Variants in NARF observed in about 807,000 individuals in gnomAD.
The protein encoded by NARF is iron-only hydrogenase-like protein 2.
Under a neutral mutation model 48.0 loss-of-function variants are expected in NARF, and 41 were observed. That is an observed-to-expected ratio of 0.85 (90% CI 0.66 to 1.11). The LOEUF is 1.11. Ranked by LOEUF, NARF falls within the 50% of genes least tolerant of loss-of-function variation. The pLI is 0.00. For missense variants in NARF, 613 were observed against 590.2 expected (o/e 1.04, Z -0.40); for synonymous variants, 215 against 225.5 (o/e 0.95, Z 0.42).
chr17:82,475,021 T>G (rs2043802737), intron 5 of NARF, among the ~76,000 whole-genome samples: 1 of 152,040 alleles, frequency 6.6e-6, no homozygotes, highest in Admixed American at 6.6e-5. Context: ...GCATTTTGGG[T>G]GTGTTTCCAG....
chr17:82,464,480 G>A (rs756085647), intron 3 of NARF, 50 bp downstream of exon 3: 16 of 1,570,038 alleles, frequency 1.0e-5, no homozygotes, highest in Non-Finnish European at 1.3e-5. Flanking sequence ...CCTGGAGGAA[G>A]TGGAGGTGAG....
At chr17:82,468,545 A>G in intron 3 of NARF, 1 of 512,020 alleles carries the variant, frequency 2.0e-6, no homozygotes, top group Non-Finnish European at 3.4e-6. Context: ...CATTTTTTAA[A>G]TCCTGACTTT....
At position 82,481,309 on chromosome 17, in the gene NARF, G is replaced by C. The variant is rs929139759; in HGVS notation, c.769+98G>C. On this transcript the variant is annotated intron_variant, in intron 7 of 10. Coordinates refer to ENST00000309794, the MANE Select transcript of NARF (RefSeq NM_012336.4). ...AGATCTGTGTCCCAGAGCCATCTCAGTGCCTGCCAATGTGGTCGCTTGTCT... is the reference window on the plus strand; with the variant it reads ...AGATCTGTGTCCCAGAGCCATCTCACTGCCTGCCAATGTGGTCGCTTGTCT... The C allele has an allele frequency of 5.2e-6, 8 of 1,547,634 alleles. No homozygotes were observed. The African/African-American group carries it at 1.1e-4, about 21-fold the overall frequency.
Position 82,488,908 on chromosome 17 carries a change from A to G in NARF, c.*751A>G, listed in dbSNP as rs1025380992. On this transcript the variant is annotated 3_prime_UTR_variant, in exon 11 of 11. Transcript: ENST00000309794. ...GAGGGTGGGGTGGCTGTGCCTGTGG[A>G]CTCCTGTGGCCCTGGGGTTGTTAGG... 2.0e-5 allele frequency: 3 copies of G among 151,796 alleles called. No homozygotes were observed. Among genetic ancestry groups the G allele is most frequent in the Non-Finnish European group, 4.4e-5 (3 of 68,042 alleles). 9.4% of individuals were successfully genotyped at this position (151,796 alleles called of 1,614,324 possible). A position where few individuals can be genotyped will look rare whatever the true frequency, so the allele number is the denominator to read the frequency against.
upstream of NARF, chr17:82,458,730 C>T (rs1173788801): frequency 2.8e-6 from 4 of 1,442,164 alleles, no homozygotes; most frequent in East Asian, 2.9e-5. Flanking sequence ...CCGCGGGCGG[C>T]GGGCAGTGGT....
intron 4 of NARF, among the ~76,000 whole-genome samples, chr17:82,471,161 GA>G (rs1324280017): frequency 2.8e-4 from 39 of 138,242 alleles, no homozygotes; most frequent in Non-Finnish European, 2.7e-4. Context: ...ATGACTGTCT[GA>G]AAAAAAAAAA....
Position 82,458,756 on chromosome 17 carries a change from T to A in NARF, c.-48T>A. The A allele has an allele frequency of 6.8e-7, 1 of 1,478,444 alleles. No homozygotes were observed. Among genetic ancestry groups the A allele is most frequent in the Non-Finnish European group, 8.9e-7 (1 of 1,120,646 alleles). The allele number at this position is 1,478,444 out of a possible 1,614,324, so 91.6% of individuals were successfully genotyped here. A position where few individuals can be genotyped will look rare whatever the true frequency, so the allele number is the denominator to read the frequency against. ...GGGCAGTGGTGTCCCAGTCTCCCGG[T>A]GCTTCCCTGAGGCTGAGGCGCCCGG... On this transcript the variant is annotated 5_prime_UTR_variant, in exon 1 of 11. Coordinates refer to ENST00000309794, the MANE Select transcript of NARF (RefSeq NM_012336.4).
In NARF at chr17:82,468,819, T is replaced by C; in HGVS notation, c.308T>C (p.Leu103Ser). 1 of 1,614,122 alleles carries C rather than the reference T, an allele frequency of 6.2e-7. No homozygotes were observed. The highest frequency in any genetic ancestry group is 8.5e-7 in the Non-Finnish European group (1 of 1,179,942). ...VLVVSVCPQS[L>S]PYFAAKFNLS... ...GTAGTGTCTGTGTGTCCTCAATCTT[T>C]GCCTTATTTTGCTGCTAAATTCAAC... The change falls in exon 4 of 11, where the codon TTG (leucine) becomes TCG (serine). Residue 103 changes from leucine (L) to serine (S), a missense_variant. Transcript: ENST00000309794.
intron 6 of NARF, chr17:82,480,337 C>A: frequency 2.5e-6 from 1 of 401,420 alleles, no homozygotes. Context: ...TGCAATGGCT[C>A]CATGCTGGAC....
chr17:82,479,998 T>G (rs913155544), intron 6 of NARF: 1 of 155,034 alleles, frequency 6.5e-6, no homozygotes, highest in African/African-American at 2.4e-5. Flanking sequence ...CTCCTGTAGG[T>G]GCCATGAGGG....
chr17:82,460,241 G>A (rs746986770), intron 2 of NARF, 169 bp downstream of exon 2: 4 of 524,394 alleles, frequency 7.6e-6, no homozygotes, highest in Non-Finnish European at 1.4e-5. Flanking sequence ...GAGGTGGACG[G>A]ATCACTTGAG....
chr17:82,483,994 G>A lies in NARF; in HGVS notation c.833+215G>A, dbSNP rs78454185. Reference sequence around the variant, plus strand: ...GCTGCCAGGGAGTTGAAGGTTTGGCGGGCTTCCATGGTGTGATTGCCACCC... The same window carrying A: ...GCTGCCAGGGAGTTGAAGGTTTGGCAGGCTTCCATGGTGTGATTGCCACCC... On this transcript the variant is annotated intron_variant, in intron 8 of 10. Transcript: ENST00000309794. 7.6e-3 allele frequency: 4,115 copies of A among 542,370 alleles called. 39 individuals are homozygous for A. The highest frequency in any genetic ancestry group is 0.015 in the Middle Eastern group (31 of 2,004). 33.6% of individuals were successfully genotyped at this position (542,370 alleles called of 1,614,324 possible).
chr17:82,487,477 C>G (rs1277630485), intron 10 of NARF, among the ~76,000 whole-genome samples: 9 of 135,074 alleles, frequency 6.7e-5, no homozygotes, highest in African/African-American at 2.2e-4. Flanking sequence ...GAGAGAGACT[C>G]TGTCTCGAAA....
chr17:82,469,755 G>A (rs1179111144), intron 4 of NARF, among the ~76,000 whole-genome samples: 6 of 152,104 alleles, frequency 3.9e-5, no homozygotes, highest in Non-Finnish European at 8.8e-5. Flanking sequence ...ACAGGTGCGC[G>A]CCACCACTCC....
chr17:82,485,545 G>T lies in NARF; in HGVS notation c.1020G>T (p.Val340=). 6.2e-7 allele frequency: 1 copy of T among 1,614,250 alleles called. No homozygotes were observed. The highest frequency in any genetic ancestry group is 8.5e-7 in the Non-Finnish European group (1 of 1,180,038). Residue 340 remains valine, a synonymous_variant, in exon 10 of 11, where the codon GTG becomes GTT. Transcript: ENST00000309794. Reference sequence around the variant, plus strand: ...CCCTTGAGAAGAACGGAGAGGTGGTGTTACGCTTTGCTGCAGCCTATGGCT... The same window carrying T: ...CCCTTGAGAAGAACGGAGAGGTGGTTTTACGCTTTGCTGCAGCCTATGGCT... ...EVTLEKNGEV[V]LRFAAAYGFR...
Position 82,488,379 on chromosome 17 carries a change from TC to T in NARF, c.*223del. ...AGGTGTGGGATTGGAACTTTTTTTTTCTTTTTTTTTTTTTGAGACGGAGTCT... is the reference window on the plus strand; with the variant it reads ...AGGTGTGGGATTGGAACTTTTTTTTTTTTTTTTTTTTTTGAGACGGAGTCT... On this transcript the variant is annotated 3_prime_UTR_variant, in exon 11 of 11. Transcript: ENST00000309794. 5 of 626,410 alleles carry T rather than the reference TC, an allele frequency of 8.0e-6. No homozygotes were observed. Among genetic ancestry groups the T allele is most frequent in the South Asian group, 2.8e-5 (1 of 36,106 alleles). 38.8% of individuals were successfully genotyped at this position (626,410 alleles called of 1,614,324 possible).
intron 4 of NARF, 74 bp downstream of exon 4, chr17:82,468,970 T>G: frequency 1.9e-6 from 3 of 1,561,342 alleles, no homozygotes; most frequent in Admixed American, 3.7e-5. Context: ...CTAAAGTTCG[T>G]TTTTCAAGGA....
chr17:82,485,700 C>T (rs775111262), intron 10 of NARF, 46 bp downstream of exon 10: 30 of 1,606,406 alleles, frequency 1.9e-5, no homozygotes, highest in Non-Finnish European at 5.1e-6. Flanking sequence ...CACGGGTGCT[C>T]AGGCCACACT....
chr17:82,470,211 C>T (rs568845646), intron 4 of NARF, among the ~76,000 whole-genome samples: 1 of 152,178 alleles, frequency 6.6e-6, no homozygotes, highest in African/African-American at 2.4e-5. Context: ...CGCCTGGGCT[C>T]TAACAAGACC....
Sources: allele counts gnomAD v4.1 joint callset (sites outside exome capture counted in the v4.1 genomes callset), GRCh38; gene constraint gnomAD v4.1.1; transcripts MANE v1.5; gene names NCBI Gene and HGNC (gene_info 2026-07-23, HGNC 2026-07-21).